The following FRRS1 variants were observed in gnomAD, a reference collection of about 807,000 sequenced individuals.
The protein encoded by FRRS1 is ferric reductase 1.
A neutral mutation model predicts 70.7 loss-of-function variants in FRRS1; 51 were observed. That is an observed-to-expected ratio of 0.72 (90% CI 0.58 to 0.91). FRRS1 has a LOEUF of 0.91. Among genes scored for constraint, FRRS1 ranks in the 40% least tolerant of loss-of-function variants. The pLI, the probability that FRRS1 is intolerant of heterozygous loss-of-function variation, is 0.00. For missense variants in FRRS1, 672 were observed against 726.0 expected (o/e 0.93, Z 0.86); for synonymous variants, 225 against 238.7 (o/e 0.94, Z 0.53).
chr1:99,730,481 G>A (rs1436944346), intron 7 of FRRS1, among the ~76,000 whole-genome samples: 2 of 152,260 alleles, frequency 1.3e-5, no homozygotes, highest in African/African-American at 4.8e-5. Context: ...TAGCACTTTG[G>A]GAGGCCAAGG....
intron 7 of FRRS1, among the ~76,000 whole-genome samples, chr1:99,732,823 T>C (rs1321715417): frequency 7.0e-6 from 1 of 143,328 alleles, no homozygotes; most frequent in African/African-American, 2.7e-5. Flanking sequence ...GCCAAAGGTT[T>C]GGAGGGATAT....
At chr1:99,735,005 A>T (rs1655578815) in intron 7 of FRRS1, among the ~76,000 whole-genome samples, 1 of 152,210 alleles carries the variant, frequency 6.6e-6, no homozygotes, top group African/African-American at 2.4e-5. Flanking sequence ...TACTTGATAG[A>T]CTTTACATTA....
intron 1 of FRRS1, among the ~76,000 whole-genome samples, chr1:99,749,568 T>C (rs1016190045): frequency 6.6e-6 from 1 of 152,238 alleles, no homozygotes; most frequent in African/African-American, 2.4e-5. Context: ...CTGATCATGA[T>C]GACTGGGTGG....
chr1:99,762,438 A>C (rs1454729098), intron 1 of FRRS1, among the ~76,000 whole-genome samples: 2 of 150,782 alleles, frequency 1.3e-5, no homozygotes, highest in Non-Finnish European at 3.0e-5. Context: ...TCCTTCTCCA[A>C]GACTTTTTCT....
intron 11 of FRRS1, among the ~76,000 whole-genome samples, chr1:99,717,098 C>A (rs78136646): frequency 7.2e-4 from 110 of 152,280 alleles, no homozygotes; most frequent in African/African-American, 2.5e-3. Context: ...GCTCTTCCCA[C>A]ATCTCCCTCT....
At chr1:99,726,812 T>C (rs1326840527) in intron 9 of FRRS1, among the ~76,000 whole-genome samples, 1 of 152,208 alleles carries the variant, frequency 6.6e-6, no homozygotes, top group African/African-American at 2.4e-5. Context: ...GCTCGGGCAA[T>C]CCTTTCACCT....
chr1:99,712,408 C>CTTGGG lies in FRRS1; in HGVS notation c.1421+9_1421+10insCCCAA. 6.4e-7 allele frequency: 1 copy of CTTGGG among 1,557,536 alleles called. No individual in the cohort carries two copies. The highest frequency in any genetic ancestry group is 8.8e-7 in the Non-Finnish European group (1 of 1,137,138). ...TTAAGAGAGCATTTATATAGAAAGG[C>CTTGGG]TCTAAGTACCTTGGGTCATGTAAAG... On this transcript the variant is annotated intron_variant, in intron 13 of 16. Coordinates refer to ENST00000646001, the MANE Select transcript of FRRS1 (RefSeq NM_001361041.2).
chr1:99,719,832 C>G (rs537095679), intron 9 of FRRS1, among the ~76,000 whole-genome samples, 185 bp from the exon 10 acceptor site: 3 of 151,826 alleles, frequency 2.0e-5, no homozygotes, highest in African/African-American at 7.3e-5. Context: ...GCACAGACTT[C>G]CTGAAAAAAG....
chr1:99,758,843 C>T (rs2814042), intron 1 of FRRS1, among the ~76,000 whole-genome samples: 73,771 of 151,636 alleles, frequency 0.49, 21,605 homozygotes, highest in African/African-American at 0.82. Flanking sequence ...AAGGAATGCA[C>T]TCCTGGGGGG....
chr1:99,740,939 C>A lies in FRRS1; in HGVS notation c.430G>T (p.Val144Phe). 1 of 1,611,356 alleles carries A rather than the reference C, an allele frequency of 6.2e-7. No homozygotes were observed. The highest frequency in any genetic ancestry group is 8.5e-7 in the Non-Finnish European group (1 of 1,177,584). Residue 144 changes from valine to phenylalanine, a missense_variant and splice_region_variant, in exon 6 of 17, where the codon GTC becomes TTC. Transcript: ENST00000646001. ...ATTTTATACTTCTCAACAACTGTGACTCTGAAATGCAATACCAGTGAGATT... is the reference window on the plus strand; with the variant it reads ...ATTTTATACTTCTCAACAACTGTGAATCTGAAATGCAATACCAGTGAGATT... ...SSAPNHTQFL[V>F]TVVEKYKIYW...
chr1:99,759,136 C>T (rs946693063), intron 1 of FRRS1, among the ~76,000 whole-genome samples: 2 of 152,056 alleles, frequency 1.3e-5, no homozygotes, highest in African/African-American at 4.8e-5. Flanking sequence ...TTTGTTAGAC[C>T]CTTATTAGTA....
Position 99,727,255 on chromosome 1 carries a change from A to G in FRRS1, c.1006+1238T>C, listed in dbSNP as rs1189237633. 2.0e-5 allele frequency among the ~76,000 whole-genome samples: 3 copies of G among 152,220 alleles called. No homozygotes were observed. In the East Asian group the frequency reaches 5.8e-4, roughly 29 times the overall value. ...CACTGAGTAATTTTTACTCATAATT[A>G]TCAAGCCATATTAAGAAATTATTAC... On this transcript the variant is annotated intron_variant, in intron 9 of 16. Coordinates refer to ENST00000646001, the MANE Select transcript of FRRS1 (RefSeq NM_001361041.2).
chr1:99,763,230 T>A (rs890918532), intron 1 of FRRS1, among the ~76,000 whole-genome samples: 1 of 152,116 alleles, frequency 6.6e-6, no homozygotes, highest in East Asian at 1.9e-4. Flanking sequence ...TCTCCTGAAG[T>A]TTTGCCTTCT....
intron 9 of FRRS1, among the ~76,000 whole-genome samples, chr1:99,719,926 G>A (rs1654731389): frequency 6.6e-6 from 1 of 152,072 alleles, no homozygotes; most frequent in Admixed American, 6.6e-5. Flanking sequence ...GTGGTATAAA[G>A]AGACAAGTTA....
At chr1:99,758,054 G>A (rs1295141224) in intron 1 of FRRS1, among the ~76,000 whole-genome samples, 1 of 152,134 alleles carries the variant, frequency 6.6e-6, no homozygotes, top group Admixed American at 6.5e-5. Flanking sequence ...GTGGGCTGGA[G>A]GGGAAAGAGG....
chr1:99,762,191 T>C (rs911291751), intron 1 of FRRS1, among the ~76,000 whole-genome samples: 6 of 152,152 alleles, frequency 3.9e-5, no homozygotes, highest in Admixed American at 3.9e-4. Context: ...ATTGGAGCAA[T>C]GGGAGAATCA....
intron 11 of FRRS1, among the ~76,000 whole-genome samples, chr1:99,715,954 G>T (rs1654503122): frequency 6.6e-6 from 1 of 152,174 alleles, no homozygotes; most frequent in South Asian, 2.1e-4. Flanking sequence ...CACACACAGA[G>T]CATATTTACT....
At position 99,709,031 on chromosome 1, in the gene FRRS1, T is replaced by A; in HGVS notation, c.1776A>T (p.Leu592=). Residue 592 remains leucine, a synonymous_variant, in exon 17 of 17, where the codon CTA becomes CTT. Coordinates refer to ENST00000646001, the MANE Select transcript of FRRS1 (RefSeq NM_001361041.2). Reference sequence around the variant, plus strand: ...AAAAGCCAAGGTCTTTGCTTGCTCATAGATGGTTGATTGCAGATAAAAATA... The same window carrying A: ...AAAAGCCAAGGTCTTTGCTTGCTCAAAGATGGTTGATTGCAGATAAAAATA... ...LIIFLSAINH[L] is the part of the protein sequence containing the mutation. The A allele has an allele frequency of 6.2e-7, 1 of 1,613,914 alleles. No homozygotes were observed. The highest frequency in any genetic ancestry group is 1.3e-5 in the African/African-American group (1 of 74,980).
intron 6 of FRRS1, among the ~76,000 whole-genome samples, chr1:99,739,213 G>T (rs1290132523): frequency 6.6e-6 from 1 of 152,138 alleles, no homozygotes; most frequent in South Asian, 2.1e-4. Flanking sequence ...AGACCCTGAG[G>T]TATCTTCGAG....
Sources: allele counts gnomAD v4.1 joint callset (sites outside exome capture counted in the v4.1 genomes callset), GRCh38; gene constraint gnomAD v4.1.1; transcripts MANE v1.5; gene names NCBI Gene and HGNC (gene_info 2026-07-23, HGNC 2026-07-21).